The following GAS7 variants were observed in gnomAD, a reference collection of about 807,000 sequenced individuals.
The protein encoded by GAS7 is growth arrest specific 7.
GAS7 carries 28 observed loss-of-function variants against 71.1 expected under a neutral mutation model. The observed-to-expected ratio is 0.39, with a 90% CI of 0.29 to 0.54. GAS7 has a LOEUF of 0.54. GAS7 is among the 20% of genes least tolerant of loss of function. The pLI, the probability that GAS7 is intolerant of heterozygous loss-of-function variation, is 0.62. For missense variants in GAS7, 436 were observed against 627.8 expected (o/e 0.69, Z 3.27); for synonymous variants, 258 against 245.8 (o/e 1.05, Z -0.46).
At chr17:10,168,762 G>T (rs2074313494) in intron 1 of GAS7, among the ~76,000 whole-genome samples, 1 of 152,080 alleles carries the variant, frequency 6.6e-6, no homozygotes, top group South Asian at 2.1e-4. Context: ...CACAAGGTCA[G>T]GAGTTTGAGA....
At chr17:10,076,445 G>A (rs903324537) in intron 1 of GAS7, among the ~76,000 whole-genome samples, 10 of 146,476 alleles carry the variant, frequency 6.8e-5, no homozygotes, top group Non-Finnish European at 1.2e-4. Flanking sequence ...AGGGGGAGTC[G>A]GGGGAGGGAA....
At chr17:10,002,040 T>C (rs1178547247) in intron 2 of GAS7, among the ~76,000 whole-genome samples, 8 of 152,194 alleles carry the variant, frequency 5.3e-5, no homozygotes, top group Non-Finnish European at 1.0e-4. Flanking sequence ...TACCACTGCT[T>C]AGCTATCAGT....
At chr17:10,184,409 T>C (rs922884381) in intron 1 of GAS7, among the ~76,000 whole-genome samples, 1 of 152,236 alleles carries the variant, frequency 6.6e-6, no homozygotes, top group African/African-American at 2.4e-5. Context: ...TTCCAAAACC[T>C]GTGTTCTTTC....
At chr17:10,169,476 G>A (rs372275303) in intron 1 of GAS7, among the ~76,000 whole-genome samples, 1 of 152,112 alleles carries the variant, frequency 6.6e-6, no homozygotes, top group Non-Finnish European at 1.5e-5. Flanking sequence ...GGAAGGGTGC[G>A]TCATCCCTGA....
chr17:10,132,268 C>A lies in GAS7; in HGVS notation c.183+65940G>T, dbSNP rs534579759. On this transcript the variant is annotated intron_variant, in intron 1 of 13. Coordinates refer to ENST00000432992, the MANE Select transcript of GAS7 (RefSeq NM_201433.2). ...ACTAAATACTTCTTATTCAGATTTA[C>A]CTGATCTTTGCTCAGGTGATGATAG... Among the ~76,000 whole-genome samples the A allele has an allele frequency of 1.7e-4, 26 of 151,746 alleles. 1 individual carries two copies. The Admixed American group carries it at 1.7e-3, about 10-fold the overall frequency.
intron 1 of GAS7, among the ~76,000 whole-genome samples, chr17:10,041,089 G>A (rs1393761557): frequency 6.6e-6 from 1 of 151,152 alleles, no homozygotes; most frequent in South Asian, 2.1e-4. Flanking sequence ...TTGAACTCAG[G>A]AGGCAGAGGT....
At chr17:10,095,801 C>CA (rs58811317) in intron 1 of GAS7, among the ~76,000 whole-genome samples, 22,782 of 109,886 alleles carry the variant, frequency 0.21, 1,978 homozygotes, top group African/African-American at 0.23. Flanking sequence ...GACTCCATCT[C>CA]AAAAAAAAAA....
In GAS7 at chr17:10,019,924, A is replaced by G. The variant is rs747053925; in HGVS notation, c.184-27T>C. ...TGTTGGAGAAGAAAGAAAAGGTCAC[A>G]CCCATTTGGCATTTTTGCAAGAGTT... On this transcript the variant is annotated intron_variant, in intron 1 of 13. Coordinates refer to ENST00000432992, the MANE Select transcript of GAS7 (RefSeq NM_201433.2). 70 of 1,608,860 alleles carry G rather than the reference A, an allele frequency of 4.4e-5. 2 individuals are homozygous for G. The South Asian group carries it at 7.6e-4, about 17-fold the overall frequency.
chr17:10,032,440 G>A (rs1421021078), intron 1 of GAS7, among the ~76,000 whole-genome samples: 1 of 152,162 alleles, frequency 6.6e-6, no homozygotes, highest in Non-Finnish European at 1.5e-5. Context: ...AAAGCATTAG[G>A]AGACAGCACA....
rs1340111977 is a variant in GAS7, at chr17:9,946,957, T to G, written c.552A>C (p.Pro184=). ...GCAGCTGCTGTTCCGGCATCGTGTC[T>G]GGGTGAGGGAACGTCACACAGTTTA... ...ITINCVTFPH[P]DTMPEQQLLK... is the part of the protein sequence containing the mutation. Residue 184 remains proline (P), a synonymous_variant, in exon 6 of 14, where the codon CCA becomes CCC. Transcript: ENST00000432992. The G allele has an allele frequency of 3.1e-6, 5 of 1,612,784 alleles. No homozygotes were observed. The Admixed American group carries it at 5.0e-5, about 16-fold the overall frequency.
At chr17:9,921,347 G>A (rs2067800842) in intron 11 of GAS7, among the ~76,000 whole-genome samples, 1 of 151,802 alleles carries the variant, frequency 6.6e-6, no homozygotes, top group Non-Finnish European at 1.5e-5. Context: ...AGTAGAGATG[G>A]GGTTTCACCA....
At chr17:10,185,802 G>A (rs977035395) in intron 1 of GAS7, among the ~76,000 whole-genome samples, 5 of 152,164 alleles carry the variant, frequency 3.3e-5, no homozygotes, top group African/African-American at 1.2e-4. Context: ...CCCGCCTGGT[G>A]TGTGGGAAAA....
chr17:10,055,109 GGA>G (rs1304616665), intron 1 of GAS7, among the ~76,000 whole-genome samples: 1 of 152,196 alleles, frequency 6.6e-6, no homozygotes, highest in East Asian at 1.9e-4. Flanking sequence ...GAACGGAGGA[GGA>G]AGCCAGCCAG....
intron 8 of GAS7, among the ~76,000 whole-genome samples, chr17:9,938,449 C>T (rs376524622): frequency 8.6e-5 from 11 of 128,578 alleles, no homozygotes; most frequent in South Asian, 4.9e-4. Flanking sequence ...CCAGTCTGGG[C>T]GACAGAGCGA....
chr17:10,159,631 T>C (rs190881901), intron 1 of GAS7, among the ~76,000 whole-genome samples: 224 of 152,266 alleles, frequency 1.5e-3, no homozygotes, highest in Admixed American at 3.3e-3. Flanking sequence ...TTACACAATC[T>C]AGAAGTCAAG....
chr17:10,001,203 A>G (rs1315810501), intron 2 of GAS7, among the ~76,000 whole-genome samples: 1 of 152,154 alleles, frequency 6.6e-6, no homozygotes, highest in Admixed American at 6.5e-5. Flanking sequence ...GAAATCTGAG[A>G]AAGATCAAGA....
At chr17:10,040,433 G>C (rs1220072355) in intron 1 of GAS7, among the ~76,000 whole-genome samples, 1 of 152,190 alleles carries the variant, frequency 6.6e-6, no homozygotes, top group African/African-American at 2.4e-5. Flanking sequence ...CTATAAAGGA[G>C]AAGAAACCAT....
At chr17:10,081,344 C>CG (rs2073454815) in intron 1 of GAS7, among the ~76,000 whole-genome samples, 6 of 152,146 alleles carry the variant, frequency 3.9e-5, no homozygotes, top group East Asian at 1.9e-4. Context: ...TTTGTAGAGA[C>CG]GGGGTTTCAC....
chr17:10,143,888 T>A (rs2074102336), intron 1 of GAS7, among the ~76,000 whole-genome samples: 1 of 152,180 alleles, frequency 6.6e-6, no homozygotes, highest in African/African-American at 2.4e-5. Flanking sequence ...AAGGAGGGTG[T>A]CACAGTTAGT....
Sources: allele counts gnomAD v4.1 joint callset (sites outside exome capture counted in the v4.1 genomes callset), GRCh38; gene constraint gnomAD v4.1.1; transcripts MANE v1.5; gene names NCBI Gene and HGNC (gene_info 2026-07-23, HGNC 2026-07-21).